Variants in VWA3A observed in about 807,000 individuals in gnomAD.
VWA3A encodes von Willebrand factor A domain-containing protein 3A.
A neutral mutation model predicts 160.4 loss-of-function variants in VWA3A; 134 were observed. That is an observed-to-expected ratio of 0.84 (90% CI 0.73 to 0.96). The LOEUF is 0.96. Ranked by LOEUF, VWA3A falls within the 40% of genes least tolerant of loss-of-function variation. The pLI is 0.00. For synonymous variants in VWA3A, 476 were observed against 543.4 expected (o/e 0.88, Z 1.72); for missense variants, 1,310 against 1,447.9 (o/e 0.90, Z 1.55).
intron 20 of VWA3A, 83 bp from the exon 21 acceptor site, chr16:22,134,285 G>A (rs1175602325): frequency 8.4e-6 from 10 of 1,196,812 alleles, no homozygotes; most frequent in Non-Finnish European, 1.2e-5. Flanking sequence ...ACCTCCAGGT[G>A]GCTTTCTAGT....
chr16:22,130,899 T>C (rs2045935451), intron 17 of VWA3A, among the ~76,000 whole-genome samples: 3 of 149,480 alleles, frequency 2.0e-5, no homozygotes, highest in African/African-American at 7.4e-5. Context: ...ATAGTATGGA[T>C]AGGGAGGGGA....
chr16:22,144,721 C>A (rs566009080), intron 26 of VWA3A, among the ~76,000 whole-genome samples: 1 of 151,984 alleles, frequency 6.6e-6, no homozygotes, highest in South Asian at 2.1e-4. Context: ...AGTTTGAGAC[C>A]AGCCTGGGCA....
At position 22,132,956 on chromosome 16, in the gene VWA3A, C is replaced by A. The variant is rs375871767; in HGVS notation, c.1929C>A (p.Asn643Lys). 5 of 1,613,950 alleles carry A rather than the reference C, an allele frequency of 3.1e-6. No individual in the cohort carries two copies. Among genetic ancestry groups the A allele is most frequent in the Middle Eastern group, 1.7e-4 (1 of 6,060 alleles). ...GTGGCGGCTGCGACCTCCAGCTGAA[C>A]GTGTGTCTCTTCTACGTGGGCGAGC... ...EACGGCDLQL[N>K]VCLFYVGEPK... Residue 643 changes from asparagine to lysine, a missense_variant, in exon 20 of 34, where the codon AAC (asparagine) becomes AAA (lysine). Coordinates refer to ENST00000389398, the MANE Select transcript of VWA3A (RefSeq NM_173615.5).
chr16:22,121,145 G>C (rs2045727689), intron 13 of VWA3A, 42 bp downstream of exon 13: 1 of 1,612,920 alleles, frequency 6.2e-7, no homozygotes, highest in South Asian at 1.1e-5. Flanking sequence ...ACAGGTGACT[G>C]ACTAAAAGGC....
intron 30 of VWA3A, among the ~76,000 whole-genome samples, chr16:22,152,179 C>T (rs1296918550): frequency 6.6e-6 from 1 of 152,056 alleles, no homozygotes; most frequent in Admixed American, 6.6e-5. Context: ...CCACTGCACT[C>T]CAGCCTGGGT....
At chr16:22,123,321 A>G (rs1303829624) in intron 15 of VWA3A, among the ~76,000 whole-genome samples, 156 bp downstream of exon 15, 3 of 151,254 alleles carry the variant, frequency 2.0e-5, no homozygotes, top group African/African-American at 4.9e-5. Context: ...AGCTTTGGCC[A>G]TCTCCTCCCC....
chr16:22,105,047 G>A, intron 6 of VWA3A, among the ~76,000 whole-genome samples: 1 of 152,168 alleles, frequency 6.6e-6, no homozygotes, highest in Non-Finnish European at 1.5e-5. Context: ...CTTCACCTCA[G>A]ATCCAGAACC....
chr16:22,125,337 G>A (rs1342724313), intron 16 of VWA3A, among the ~76,000 whole-genome samples: 6 of 151,936 alleles, frequency 3.9e-5, no homozygotes, highest in Admixed American at 1.3e-4. Context: ...AGTGAGCCAC[G>A]ATCGCACCAT....
chr16:22,096,049 G>A (rs1442022461), intron 1 of VWA3A, among the ~76,000 whole-genome samples: 1 of 152,172 alleles, frequency 6.6e-6, no homozygotes, highest in African/African-American at 2.4e-5. Flanking sequence ...ATTAAGCAAT[G>A]TCTAGAGACA....
At position 22,146,284 on chromosome 16, in the gene VWA3A, A is replaced by G; in HGVS notation, c.2779A>G (p.Ile927Val). Residue 927 changes from isoleucine (I) to valine (V), a missense_variant, in exon 27 of 34, where the codon ATC becomes GTC. Coordinates refer to ENST00000389398, the MANE Select transcript of VWA3A (RefSeq NM_173615.5). ...GACGCCCAGGGAGATGGAGGTGTAC[A>G]TCAGGCACTTGGAGAAGGTGTTAAG... ...QWTPREMEVY[I>V]RHLEKVLRRY... 6.2e-7 allele frequency: 1 copy of G among 1,613,730 alleles called. No homozygotes were observed. The highest frequency in any genetic ancestry group is 8.5e-7 in the Non-Finnish European group (1 of 1,179,744).
At chr16:22,150,664 T>C (rs757714732) in intron 29 of VWA3A, 31 bp from the exon 30 acceptor site, 1 of 1,586,890 alleles carries the variant, frequency 6.3e-7, no homozygotes, top group Non-Finnish European at 8.6e-7. Context: ...GCCTCTCCCC[T>C]GAGCCTGACA....
chr16:22,135,636 C>T (rs1261206215), intron 21 of VWA3A, among the ~76,000 whole-genome samples: 1 of 152,146 alleles, frequency 6.6e-6, no homozygotes, highest in African/African-American at 2.4e-5. Context: ...GTGTGCTGCA[C>T]ATTCTGGCCT....
intron 5 of VWA3A, 130 bp downstream of exon 5, chr16:22,100,623 T>A: frequency 1.2e-6 from 1 of 855,662 alleles, no homozygotes; most frequent in Non-Finnish European, 1.9e-6. Flanking sequence ...TCACTTGAGG[T>A]CAAGAGTTTG....
chr16:22,131,169 C>T (rs1419012326), intron 17 of VWA3A, 36 bp from the exon 18 acceptor site: 1 of 1,605,574 alleles, frequency 6.2e-7, no homozygotes, highest in East Asian at 2.2e-5. Context: ...GTGGACCTCC[C>T]CCAGCCTAAG....
intron 24 of VWA3A, 86 bp from the exon 25 acceptor site, chr16:22,142,582 C>T: frequency 9.6e-7 from 1 of 1,043,564 alleles, no homozygotes. Context: ...TAAGCCCCAT[C>T]TCCAACACTG....
At chr16:22,130,544 TC>T (rs1216409795) in intron 17 of VWA3A, among the ~76,000 whole-genome samples, 1 of 152,138 alleles carries the variant, frequency 6.6e-6, no homozygotes, top group Non-Finnish European at 1.5e-5. Context: ...AATCCTCTTC[TC>T]AAAGATCTTA....
At chr16:22,114,800 A>AT (rs35095196) in intron 8 of VWA3A, among the ~76,000 whole-genome samples, 10,275 of 133,256 alleles carry the variant, frequency 0.077, 1,017 homozygotes, top group African/African-American at 0.23. Context: ...CTATCTCTCT[A>AT]TTTTTTTTTT....
intron 17 of VWA3A, among the ~76,000 whole-genome samples, chr16:22,127,389 G>A (rs1014026274): frequency 7.2e-5 from 11 of 152,106 alleles, no homozygotes; most frequent in Non-Finnish European, 1.2e-4. Context: ...GCCTCCTAAA[G>A]TGCTGGGATT....
At chr16:22,115,305 A>G (rs2045613780) in intron 8 of VWA3A, 42 bp from the exon 9 acceptor site, 1 of 1,533,320 alleles carries the variant, frequency 6.5e-7, no homozygotes, top group Non-Finnish European at 8.8e-7. Context: ...AATTCAATAC[A>G]AACAGTCTTA....
Sources: gnomAD v4.1 joint callset for allele counts (sites outside exome capture counted in the v4.1 genomes callset) on GRCh38, gnomAD v4.1.1 for gene constraint, MANE v1.5 for transcripts, NCBI Gene and HGNC (gene_info 2026-07-23, HGNC 2026-07-21) for gene names.